The following CCL4L2 variants were observed in gnomAD, a reference collection of about 807,000 sequenced individuals.
CCL4L2 encodes C-C motif chemokine 4-like.
CCL4L2 carries 3 observed loss-of-function variants against 5.9 expected under a neutral mutation model. The observed-to-expected ratio is 0.51, with a 90% CI of 0.23 to 1.32. The LOEUF is 1.32. Among genes scored for constraint, CCL4L2 ranks in the 40% most tolerant of loss-of-function variants. The pLI, the probability that CCL4L2 is intolerant of heterozygous loss-of-function variation, is 0.18. For missense variants in CCL4L2, 74 were observed against 121.2 expected (o/e 0.61, Z 1.83); for synonymous variants, 36 against 47.6 (o/e 0.76, Z 1.00).
chr17:36,212,260 G>C lies in CCL4L2; in HGVS notation c.192-43G>C, dbSNP rs1237524168. 1.5e-5 allele frequency: 11 copies of C among 750,866 alleles called. 2 individuals carry two copies. The highest frequency in any genetic ancestry group is 2.6e-5 in the East Asian group (1 of 38,342). The allele number at this position is 750,866 out of a possible 1,614,324, so 46.5% of individuals were successfully genotyped here. A position where few individuals can be genotyped will look rare whatever the true frequency, so the allele number is the denominator to read the frequency against. ...TTCATACTGATTGCAATGCCCACTG[G>C]TTCCTAATCTGGGCAACCCCTGGGG... On this transcript the variant is annotated intron_variant, in intron 2 of 2. Transcript: ENST00000617405.
In CCL4L2 at chr17:36,212,041, C is replaced by T. The variant is rs1212071696; in HGVS notation, c.191+151C>T. The T allele has an allele frequency of 6.0e-6, 6 of 1,004,358 alleles. 1 individual carries two copies. The highest frequency in any genetic ancestry group is 4.3e-5 in the African/African-American group (3 of 70,240). 62.2% of individuals were successfully genotyped at this position (1,004,358 alleles called of 1,614,324 possible). A position where few individuals can be genotyped will look rare whatever the true frequency, so the allele number is the denominator to read the frequency against. On this transcript the variant is annotated intron_variant, in intron 2 of 2. Transcript: ENST00000617405. ...CAGCAGTGAGGTCACAGGTCATGAA[C>T]TCACTTTTCAAGTGCTGAAGGCGGC...
rs1599003109 is a variant in CCL4L2, at chr17:36,212,674, C to T, written c.*251C>T. 3 of 1,273,926 alleles carry T rather than the reference C, an allele frequency of 2.4e-6. No homozygotes were observed. Among genetic ancestry groups the T allele is most frequent in the East Asian group, 4.5e-5 (2 of 44,018 alleles). The allele number at this position is 1,273,926 out of a possible 1,614,324, so 78.9% of individuals were successfully genotyped here. A position where few individuals can be genotyped will look rare whatever the true frequency, so the allele number is the denominator to read the frequency against. ...CAGGACTCCTCTCCGCAGTTCCTGT[C>T]TCTTCTCTTAATGTAATCTCTTTTA... On this transcript the variant is annotated 3_prime_UTR_variant, in exon 3 of 3. Coordinates refer to ENST00000617405, the MANE Select transcript of CCL4L2 (RefSeq NM_001291475.2).
chr17:36,211,657 G>A, intron 1 of CCL4L2, 119 bp from the exon 2 acceptor site: 1 of 1,140,806 alleles, frequency 8.8e-7, no homozygotes, highest in South Asian at 1.3e-5. Context: ...ATGGATACAA[G>A]GGACCATATT....
Position 36,211,069 on chromosome 17 carries a change from G to A in CCL4L2, c.-73G>A, listed in dbSNP as rs1248709011. 8 of 1,521,526 alleles carry A rather than the reference G, an allele frequency of 5.3e-6. 1 individual carries two copies. In the Middle Eastern group the frequency reaches 8.5e-4, roughly 163 times the overall value. The allele number at this position is 1,521,526 out of a possible 1,614,324, so 94.3% of individuals were successfully genotyped here. A position where few individuals can be genotyped will look rare whatever the true frequency, so the allele number is the denominator to read the frequency against. ...AGATTCCCAACTCAGTATCAGCACA[G>A]GACACAGCTAGGTTCTGAAGCTTCT... On this transcript the variant is annotated 5_prime_UTR_variant, in exon 1 of 3. Coordinates refer to ENST00000617405, the MANE Select transcript of CCL4L2 (RefSeq NM_001291475.2).
At position 36,211,153 on chromosome 17, in the gene CCL4L2, C is replaced by T. The variant is rs1240326578; in HGVS notation, c.12C>T (p.Cys4=). Residue 4 remains cysteine (C), a synonymous_variant, in exon 1 of 3, where the codon TGC becomes TGT. Transcript: ENST00000617405. ...TTGCCACCAATACCATGAAGCTCTG[C>T]GTGACTGTCCTGTCTCTCCTCGTGC... The T allele has an allele frequency of 2.0e-4, 313 of 1,581,606 alleles. 44 individuals are homozygous for T. In the South Asian group the frequency reaches 2.7e-3, roughly 14 times the overall value.
Position 36,212,092 on chromosome 17 carries a change from G to T in CCL4L2, c.191+202G>T, listed in dbSNP as rs1209853265. Reference sequence around the variant, plus strand: ...TGAGTGGCAGCCGAGACAGAAGGGGGTTCCTGGGGAGGAAGTTATTCAGAG... The same window carrying T: ...TGAGTGGCAGCCGAGACAGAAGGGGTTTCCTGGGGAGGAAGTTATTCAGAG... On this transcript the variant is annotated intron_variant, in intron 2 of 2. Transcript: ENST00000617405. 14 of 759,596 alleles carry T rather than the reference G, an allele frequency of 1.8e-5. 2 individuals carry two copies. Among genetic ancestry groups the T allele is most frequent in the Admixed American group, 4.1e-5 (2 of 48,766 alleles). The allele number at this position is 759,596 out of a possible 1,614,324, so 47.1% of individuals were successfully genotyped here. A position where few individuals can be genotyped will look rare whatever the true frequency, so the allele number is the denominator to read the frequency against.
At chr17:36,212,250 A>T in intron 2 of CCL4L2, 1 of 730,278 alleles carries the variant, frequency 1.4e-6, no homozygotes, top group Non-Finnish European at 2.5e-6. Flanking sequence ...ACTGATTGCA[A>T]TGCCCACTGG....
At chr17:36,211,994 T>A in intron 2 of CCL4L2, 104 bp downstream of exon 2, 1 of 1,305,554 alleles carries the variant, frequency 7.7e-7, no homozygotes, top group Non-Finnish European at 1.1e-6. Context: ...GAGGCAGCTC[T>A]CAGGGCTGAA....
Position 36,212,499 on chromosome 17 carries a change from G to A in CCL4L2, c.*76G>A, listed in dbSNP as rs141559159. 2 of 1,581,230 alleles carry A rather than the reference G, an allele frequency of 1.3e-6. No homozygotes were observed. The highest frequency in any genetic ancestry group is 2.7e-5 in the African/African-American group (2 of 74,734). On this transcript the variant is annotated 3_prime_UTR_variant, in exon 3 of 3. Coordinates refer to ENST00000617405, the MANE Select transcript of CCL4L2 (RefSeq NM_001291475.2). ...TTCTACGGATTCCAAACCAAAAGAG[G>A]CAAGCAAGTCTGCGCTGACCCCAGT... is the stretch of plus-strand genomic sequence containing the variant.
At position 36,211,780 on chromosome 17, in the gene CCL4L2, C is replaced by T; in HGVS notation, c.81C>T (p.Gly27=). The change falls in exon 2 of 3, where the codon GGC becomes GGT. Residue 27 remains glycine, a synonymous_variant. Transcript: ENST00000617405. ...CACCCTGGCCTTTCCTTTCAGTGGG[C>T]TCAGACCCTCCCACCGCCTGCTGCT... 2 of 1,576,536 alleles carry T rather than the reference C, an allele frequency of 1.3e-6. No homozygotes were observed. The highest frequency in any genetic ancestry group is 1.1e-5 in the South Asian group (1 of 88,916).
At position 36,212,783 on chromosome 17, in the gene CCL4L2, C is replaced by T; in HGVS notation, c.*360C>T. On this transcript the variant is annotated 3_prime_UTR_variant, in exon 3 of 3. Coordinates refer to ENST00000617405, the MANE Select transcript of CCL4L2 (RefSeq NM_001291475.2). Reference sequence around the variant, plus strand: ...ATAAGTGTCCCCTATGGGGATGGTCCACTCTCACTCTTTCTCTGCTGTTGC... The same window carrying T: ...ATAAGTGTCCCCTATGGGGATGGTCTACTCTCACTCTTTCTCTGCTGTTGC... The T allele has an allele frequency of 7.8e-6, 5 of 637,490 alleles. 2 individuals carry two copies. 39.5% of individuals were successfully genotyped at this position (637,490 alleles called of 1,614,324 possible).
chr17:36,211,215 C>T lies in CCL4L2; in HGVS notation c.74C>T (p.Pro25Leu), dbSNP rs2068769684. The T allele has an allele frequency of 1.9e-6, 3 of 1,581,356 alleles. No homozygotes were observed. The highest frequency in any genetic ancestry group is 3.4e-5 in the Admixed American group (2 of 59,126). ...TTCTGCTCTCTAGCACTCTCAGCAC[C>T]AAGTAAGTCTACTTTTGCAGCTGCT... The change falls in exon 1 of 3, where the codon CCA becomes CTA. Residue 25 changes from proline to leucine, a missense_variant and splice_region_variant. Physicochemically the swap from Pro to Leu is moderately conservative, Grantham distance 98 (BLOSUM62 -3). Coordinates refer to ENST00000617405, the MANE Select transcript of CCL4L2 (RefSeq NM_001291475.2).
rs1383813660 is a variant in CCL4L2 at position 36,212,246 on chromosome 17, T to C, written c.192-57T>C. The C allele has an allele frequency of 6.9e-6, 5 of 726,226 alleles. 1 individual carries two copies. Among genetic ancestry groups the C allele is most frequent in the Non-Finnish European group, 1.0e-5 (4 of 398,704 alleles). 45.0% of individuals were successfully genotyped at this position (726,226 alleles called of 1,614,324 possible). On this transcript the variant is annotated intron_variant, in intron 2 of 2. Coordinates refer to ENST00000617405, the MANE Select transcript of CCL4L2 (RefSeq NM_001291475.2). The stretch of plus-strand genomic sequence containing the variant: ...AATGGGGCAATCTATTCATACTGAT[T>C]GCAATGCCCACTGGTTCCTAATCTG...
chr17:36,212,405 T>C lies in CCL4L2; in HGVS notation c.294T>C (p.Pro98=), dbSNP rs1159308752. 3.7e-4 allele frequency: 566 copies of C among 1,528,514 alleles called. 69 individuals carry two copies. The highest frequency in any genetic ancestry group is 7.2e-4 in the Middle Eastern group (4 of 5,532). 94.7% of individuals were successfully genotyped at this position (1,528,514 alleles called of 1,614,324 possible). Residue 98 remains proline, a synonymous_variant, in exon 3 of 3, where the codon CCT becomes CCC. Coordinates refer to ENST00000617405, the MANE Select transcript of CCL4L2 (RefSeq NM_001291475.2). Reference sequence around the variant, plus strand: ...CCATGGTCAGGCAGAGGAAGATGCCTACCACAGGCAAGGGATAAAGCCAGA... The same window carrying C: ...CCATGGTCAGGCAGAGGAAGATGCCCACCACAGGCAAGGGATAAAGCCAGA...
chr17:36,212,083 C>A (rs1480227779), intron 2 of CCL4L2, 193 bp downstream of exon 2: 2 of 771,800 alleles, frequency 2.6e-6, no homozygotes, highest in Non-Finnish European at 4.5e-6. Context: ...GCAGCCGAGA[C>A]AGAAGGGGGT....
intron 2 of CCL4L2, chr17:36,212,228 C>A: frequency 2.8e-6 from 2 of 716,008 alleles, no homozygotes; most frequent in Non-Finnish European, 5.1e-6. Context: ...GGGAATGGGG[C>A]AATCTATTCA....
At chr17:36,211,963 G>A (rs2068788169) in intron 2 of CCL4L2, 73 bp downstream of exon 2, 1 of 1,494,648 alleles carries the variant, frequency 6.7e-7, no homozygotes, top group African/African-American at 1.3e-5. Context: ...CTGTTTTGGG[G>A]AGGGGGTGAT....
At position 36,212,731 on chromosome 17, in the gene CCL4L2, C is replaced by T. The variant is rs2068814391; in HGVS notation, c.*308C>T. The T allele has an allele frequency of 3.1e-5, 29 of 939,576 alleles. No homozygotes were observed. The East Asian group carries it at 7.2e-4, about 23-fold the overall frequency. The allele number at this position is 939,576 out of a possible 1,614,324, so 58.2% of individuals were successfully genotyped here. On this transcript the variant is annotated 3_prime_UTR_variant, in exon 3 of 3. Transcript: ENST00000617405. Reference sequence around the variant, plus strand: ...GTATTATTGTATTAGGTGTTATTTCCATTATTTATATTAGTTTAGCCAAAG... The same window carrying T: ...GTATTATTGTATTAGGTGTTATTTCTATTATTTATATTAGTTTAGCCAAAG...
rs1459423446 is a variant in CCL4L2, at chr17:36,212,723, G to A, written c.*300G>A. 5 of 974,260 alleles carry A rather than the reference G, an allele frequency of 5.1e-6. No homozygotes were observed. Among genetic ancestry groups the A allele is most frequent in the African/African-American group, 4.3e-5 (3 of 69,328 alleles). 60.4% of individuals were successfully genotyped at this position (974,260 alleles called of 1,614,324 possible). A position where few individuals can be genotyped will look rare whatever the true frequency, so the allele number is the denominator to read the frequency against. The stretch of plus-strand genomic sequence containing the variant: ...TATGTGCTGTATTATTGTATTAGGT[G>A]TTATTTCCATTATTTATATTAGTTT... On this transcript the variant is annotated 3_prime_UTR_variant, in exon 3 of 3. Transcript: ENST00000617405.
Sources: gnomAD v4.1 joint callset for allele counts on GRCh38, gnomAD v4.1.1 for gene constraint, MANE v1.5 for transcripts, NCBI Gene and HGNC (gene_info 2026-07-23, HGNC 2026-07-21) for gene names.